Variants in GAREM2 observed in about 807,000 individuals in gnomAD.
GAREM2 encodes GRB2-associated and regulator of MAPK protein 2.
A neutral mutation model predicts 55.6 loss-of-function variants in GAREM2; 30 were observed. That is an observed-to-expected ratio of 0.54 (90% CI 0.40 to 0.73). GAREM2 has a LOEUF of 0.73. Ranked by LOEUF, GAREM2 falls within the 30% of genes least tolerant of loss-of-function variation. GAREM2 has a pLI of 0.00. For missense variants in GAREM2, 1,075 were observed against 1,257.7 expected (o/e 0.85, Z 2.20); for synonymous variants, 550 against 569.1 (o/e 0.97, Z 0.48).
At chr2:26,180,553 C>T (rs1221874297) in intron 2 of GAREM2, among the ~76,000 whole-genome samples, 5 of 152,256 alleles carry the variant, frequency 3.3e-5, no homozygotes, top group Non-Finnish European at 7.3e-5. Context: ...CAGGATCTGC[C>T]TTGGCCCCAC....
At position 26,189,306 on chromosome 2, in the gene GAREM2, G is replaced by C. The variant is rs1669412122; in HGVS notation, c.*1049G>C. 6.6e-6 allele frequency: 1 copy of C among 152,100 alleles called. No homozygotes were observed. The highest frequency in any genetic ancestry group is 6.6e-5 in the Admixed American group (1 of 15,254). The allele number at this position is 152,100 out of a possible 1,614,324, so 9.4% of individuals were successfully genotyped here. On this transcript the variant is annotated 3_prime_UTR_variant, in exon 6 of 6. Coordinates refer to ENST00000401533, the MANE Select transcript of GAREM2 (RefSeq NM_001168241.2). ...TGTGCCCTTGAATCTCAAACATGGG[G>C]ATCTGCTTGGTACCCAGAGCTCTGG...
At chr2:26,192,150 G>T (rs1459335651), downstream of GAREM2, among the ~76,000 whole-genome samples, 1 of 151,896 alleles carries the variant, frequency 6.6e-6, no homozygotes, top group Non-Finnish European at 1.5e-5. Flanking sequence ...AAAGAAAATG[G>T]AAGACAGCAC....
intron 1 of GAREM2, among the ~76,000 whole-genome samples, chr2:26,174,456 C>T (rs1214700417): frequency 6.6e-6 from 1 of 152,242 alleles, no homozygotes; most frequent in Non-Finnish European, 1.5e-5. Flanking sequence ...TTCTGAGCTC[C>T]TCGGTCTGCG....
intron 2 of GAREM2, chr2:26,182,572 C>G: frequency 7.3e-7 from 1 of 1,378,196 alleles, no homozygotes; most frequent in Admixed American, 2.0e-5. Context: ...CTTGTCACGG[C>G]AAGTCAGAGG....
rs1449342378 is a variant in GAREM2 at position 26,185,192 on chromosome 2, C to T, written c.1344C>T (p.Leu448=). ...GCCTCGTCCGGCCGCCCCCAGGGCTCGATCTCATCTCCTTCGGGGCCGCGG... is the reference window on the plus strand; with the variant it reads ...GCCTCGTCCGGCCGCCCCCAGGGCTTGATCTCATCTCCTTCGGGGCCGCGG... ...PEGLVRPPPG[L]DLISFGAAGP... The change falls in exon 4 of 6, where the codon CTC becomes CTT. Residue 448 remains leucine, a synonymous_variant. Coordinates refer to ENST00000401533, the MANE Select transcript of GAREM2 (RefSeq NM_001168241.2). 1 of 1,517,270 alleles carries T rather than the reference C, an allele frequency of 6.6e-7. No homozygotes were observed. The highest frequency in any genetic ancestry group is 2.0e-5 in the Admixed American group (1 of 49,902). 94.0% of individuals were successfully genotyped at this position (1,517,270 alleles called of 1,614,324 possible).
chr2:26,184,090 G>T, intron 3 of GAREM2, 143 bp from the exon 4 acceptor site: 2 of 1,266,086 alleles, frequency 1.6e-6, no homozygotes, highest in East Asian at 2.7e-5. Context: ...CAGGATGAAC[G>T]TGGATCTCCT....
the GAREM2 span, among the ~76,000 whole-genome samples, chr2:26,201,920 G>T: frequency 1.3e-5 from 2 of 150,822 alleles, no homozygotes; most frequent in African/African-American, 4.9e-5. Flanking sequence ...TCAGCCTCCT[G>T]AGTAGCTGGG....
chr2:26,182,656 C>A (rs1044588080), intron 2 of GAREM2, among the ~76,000 whole-genome samples: 5 of 152,224 alleles, frequency 3.3e-5, no homozygotes, highest in Non-Finnish European at 7.3e-5. Context: ...GCTGTGTCCA[C>A]ATGTTTGGGG....
chr2:26,201,362 A>G, the GAREM2 span: 3 of 1,390,764 alleles, frequency 2.2e-6, no homozygotes, highest in Non-Finnish European at 3.1e-6. Flanking sequence ...AGAAAAGGAA[A>G]CTAACGTTTA....
chr2:26,177,514 A>C (rs1327638292), intron 2 of GAREM2, among the ~76,000 whole-genome samples: 1 of 151,862 alleles, frequency 6.6e-6, no homozygotes. Flanking sequence ...TTTTTATTTC[A>C]TTTTTTGTGT....
chr2:26,195,042 C>A, the GAREM2 span: 1 of 1,450,508 alleles, frequency 6.9e-7, no homozygotes, highest in South Asian at 1.1e-5. Context: ...TAAAAGGAGT[C>A]TTATTAGAAC....
chr2:26,185,064 G>C lies in GAREM2; in HGVS notation c.1216G>C (p.Asp406His), dbSNP rs759827683. The change falls in exon 4 of 6, where the codon GAC becomes CAC. Residue 406 changes from aspartate (D) to histidine (H), a missense_variant. Coordinates refer to ENST00000401533, the MANE Select transcript of GAREM2 (RefSeq NM_001168241.2). ...PLAPAPAGEG[D>H]QEYVSPDWAA... Reference sequence around the variant, plus strand: ...AGCGCCGGCTCCCGCCGGCGAGGGCGACCAGGAGTACGTGAGCCCCGACTG... The same window carrying C: ...AGCGCCGGCTCCCGCCGGCGAGGGCCACCAGGAGTACGTGAGCCCCGACTG... The C allele has an allele frequency of 3.9e-6, 5 of 1,290,810 alleles. No homozygotes were observed. In the South Asian group the frequency reaches 8.9e-5, roughly 23 times the overall value. The allele number at this position is 1,290,810 out of a possible 1,614,324, so 80.0% of individuals were successfully genotyped here.
At chr2:26,176,924 G>A (rs1265538420) in intron 2 of GAREM2, among the ~76,000 whole-genome samples, 1 of 152,052 alleles carries the variant, frequency 6.6e-6, no homozygotes, top group Non-Finnish European at 1.5e-5. Flanking sequence ...GCACCTCTCC[G>A]CGCTGATCCT....
downstream of GAREM2, chr2:26,191,688 C>T (rs545558100): frequency 7.7e-5 from 120 of 1,562,978 alleles, 1 homozygote; most frequent in South Asian, 9.9e-4. Context: ...AAGCCAGAGC[C>T]GCAGATGCAG....
At chr2:26,180,499 C>T (rs1669015107) in intron 2 of GAREM2, among the ~76,000 whole-genome samples, 1 of 152,204 alleles carries the variant, frequency 6.6e-6, no homozygotes, top group Non-Finnish European at 1.5e-5. Flanking sequence ...ACTGGTGGCA[C>T]CCACCCTAGG....
Position 26,179,242 on chromosome 2 carries a change from C to T in GAREM2, c.253+2758C>T, listed in dbSNP as rs996352519. On this transcript the variant is annotated intron_variant, in intron 2 of 5. Transcript: ENST00000401533. This position sits in a 1 kb window ranked among gnomAD's most constrained non-coding sequence, Gnocchi z 4.7. ...GGAGGGGCCAGGCGTCTTCCCTGAG[C>T]ATGGTGCCACTTCCCCAGTGTTGGC... Among the ~76,000 whole-genome samples the T allele has an allele frequency of 6.6e-6, 1 of 152,114 alleles. No homozygotes were observed. Among genetic ancestry groups the T allele is most frequent in the African/African-American group, 2.4e-5 (1 of 41,420 alleles).
At position 26,187,740 on chromosome 2, in the gene GAREM2, C is replaced by T. The variant is rs970729688; in HGVS notation, c.2108C>T (p.Pro703Leu). The change falls in exon 6 of 6, where the codon CCC (proline) becomes CTC (leucine). Residue 703 changes from proline to leucine, a missense_variant. Coordinates refer to ENST00000401533, the MANE Select transcript of GAREM2 (RefSeq NM_001168241.2). ...WQEPVLEPFD[P>L]FELGQGSSPE... ...GAACCAGTCCTGGAGCCCTTCGATC[C>T]CTTTGAGCTGGGGCAGGGCAGTTCT... is the stretch of plus-strand genomic sequence containing the variant. 19 of 1,456,794 alleles carry T rather than the reference C, an allele frequency of 1.3e-5. No individual in the cohort carries two copies. In the Admixed American group the frequency reaches 3.8e-4, roughly 29 times the overall value. The allele number at this position is 1,456,794 out of a possible 1,614,324, so 90.2% of individuals were successfully genotyped here.
Position 26,188,223 on chromosome 2 carries a change from T to C in GAREM2, c.2591T>C (p.Met864Thr), listed in dbSNP as rs1669359147. ...ACCAAGCTGCAGGTCAAGAAGATCA[T>C]GCAGTTCATCAAAGGCTGGAGGCCC... ...HLTKLQVKKIMQFIKGWRPKI is the reference protein window; with the variant it reads ...HLTKLQVKKITQFIKGWRPKI Residue 864 changes from methionine (M) to threonine (T), a missense_variant, in exon 6 of 6, where the codon ATG becomes ACG. Met to Thr is a moderately conservative substitution (Grantham distance 81). Coordinates refer to ENST00000401533, the MANE Select transcript of GAREM2 (RefSeq NM_001168241.2). 6.6e-7 allele frequency: 1 copy of C among 1,507,334 alleles called. No individual in the cohort carries two copies. The allele number at this position is 1,507,334 out of a possible 1,614,324, so 93.4% of individuals were successfully genotyped here.
In GAREM2 at chr2:26,186,776, G is replaced by A. The variant is rs1192746086; in HGVS notation, c.1598+418G>A. ...GAATCACTTGAGGTCAGGAGTTCAAGACCAGCCTGGCTAACATGGCGAAAC... is the reference window on the plus strand; with the variant it reads ...GAATCACTTGAGGTCAGGAGTTCAAAACCAGCCTGGCTAACATGGCGAAAC... On this transcript the variant is annotated intron_variant, in intron 5 of 5. Coordinates refer to ENST00000401533, the MANE Select transcript of GAREM2 (RefSeq NM_001168241.2). 2.0e-5 allele frequency among the ~76,000 whole-genome samples: 3 copies of A among 152,198 alleles called. No individual in the cohort carries two copies. The East Asian group carries it at 5.8e-4, about 29-fold the overall frequency.
Sources: gnomAD v4.1 joint callset for allele counts (sites outside exome capture counted in the v4.1 genomes callset) on GRCh38, gnomAD v4.1.1 for gene constraint, Gnocchi (gnomAD v3.1) non-coding constraint, MANE v1.5 for transcripts, NCBI Gene and HGNC (gene_info 2026-07-23, HGNC 2026-07-21) for gene names.